Variants in MLLT3 observed in about 807,000 individuals in gnomAD.
The protein encoded by MLLT3 is protein AF-9.
In MLLT3, 4 loss-of-function variants were observed where a neutral mutation model predicts 53.2. The observed-to-expected ratio is 0.08, with a 90% CI of 0.04 to 0.17. The LOEUF (loss-of-function observed/expected upper bound fraction) is 0.17. Among genes scored for constraint, MLLT3 ranks in the 10% least tolerant of loss-of-function variants. MLLT3 has a pLI of 1.00. For missense variants in MLLT3, 569 were observed against 684.0 expected, an observed-to-expected ratio of 0.83 and a Z score of 1.87; for synonymous variants, 283 against 230.6, an observed-to-expected ratio of 1.23 and a Z score of -2.06.
chr9:20,570,328 G>C (rs1196911709), intron 2 of MLLT3, among the ~76,000 whole-genome samples: 2 of 152,082 alleles, frequency 1.3e-5, no homozygotes, highest in African/African-American at 4.8e-5. Flanking sequence ...TTACTAGCAT[G>C]GTAGTAATAA....
At chr9:20,365,623 T>A in intron 6 of MLLT3, 46 bp downstream of exon 6, 1 of 1,606,944 alleles carries the variant, frequency 6.2e-7, no homozygotes, top group East Asian at 2.2e-5. Context: ...GCCATTAAGG[T>A]GTTTTATGAG....
intron 4 of MLLT3, among the ~76,000 whole-genome samples, chr9:20,445,509 A>G (rs1286930528): frequency 6.6e-6 from 1 of 152,196 alleles, no homozygotes; most frequent in Admixed American, 6.5e-5. Flanking sequence ...GTTTTTCAAG[A>G]TTCTCTGGCA....
chr9:20,414,736 GA>G, intron 4 of MLLT3, among the ~76,000 whole-genome samples: 1 of 152,280 alleles, frequency 6.6e-6, no homozygotes, highest in Non-Finnish European at 1.5e-5. Flanking sequence ...ATACAAGGAT[GA>G]ATAACACATG....
chr9:20,446,545 T>G (rs1258142796), intron 4 of MLLT3, among the ~76,000 whole-genome samples: 1 of 152,154 alleles, frequency 6.6e-6, no homozygotes, highest in Non-Finnish European at 1.5e-5. Flanking sequence ...ACGACCCTTA[T>G]CAGAAGCATG....
At chr9:20,482,492 G>A (rs1824688401) in intron 2 of MLLT3, among the ~76,000 whole-genome samples, 1 of 152,072 alleles carries the variant, frequency 6.6e-6, no homozygotes, top group African/African-American at 2.4e-5. Flanking sequence ...AAAATGAAGT[G>A]TTGCCCAATT....
At position 20,405,395 on chromosome 9, in the gene MLLT3, T is replaced by C. The variant is rs191915347; in HGVS notation, c.1125+8326A>G. The stretch of plus-strand genomic sequence containing the variant: ...CAGATGATGGGAAGGTTAACAGTAC[T>C]AAATTTTATTTTCTCAAAAGTGTTT... On this transcript the variant is annotated intron_variant, in intron 5 of 10. Coordinates refer to ENST00000380338, the MANE Select transcript of MLLT3 (RefSeq NM_004529.4). Among the ~76,000 whole-genome samples the C allele has an allele frequency of 1.7e-4, 26 of 152,366 alleles. No homozygotes were observed. In the East Asian group the frequency reaches 4.8e-3, roughly 28 times the overall value.
At chr9:20,464,812 G>A (rs1824195023) in intron 2 of MLLT3, among the ~76,000 whole-genome samples, 1 of 152,132 alleles carries the variant, frequency 6.6e-6, no homozygotes, top group East Asian at 1.9e-4. Context: ...GTATAACTGA[G>A]GTGAAAGCCA....
intron 5 of MLLT3, among the ~76,000 whole-genome samples, chr9:20,391,342 CTGAAGAT>C (rs1430528187): frequency 6.6e-6 from 1 of 152,142 alleles, no homozygotes; most frequent in Non-Finnish European, 1.5e-5. Flanking sequence ...GAACAGGTGC[CTGAAGAT>C]TGTGATCAAC....
At chr9:20,351,939 G>A (rs182310591) in intron 10 of MLLT3, among the ~76,000 whole-genome samples, 25 of 152,266 alleles carry the variant, frequency 1.6e-4, no homozygotes, top group Admixed American at 1.2e-3. Flanking sequence ...GCTTTCAACC[G>A]GCCTGGGAAT....
At chr9:20,512,471 C>G (rs1452422497) in intron 2 of MLLT3, among the ~76,000 whole-genome samples, 1 of 152,174 alleles carries the variant, frequency 6.6e-6, no homozygotes, top group Non-Finnish European at 1.5e-5. Flanking sequence ...TTTAATGAAT[C>G]AGAAACTTTG....
intron 2 of MLLT3, among the ~76,000 whole-genome samples, chr9:20,503,268 G>A (rs531206427): frequency 6.6e-6 from 1 of 152,222 alleles, no homozygotes; most frequent in Non-Finnish European, 1.5e-5. Context: ...CAAAGCTAGA[G>A]GCATCACACT....
intron 5 of MLLT3, among the ~76,000 whole-genome samples, chr9:20,394,436 T>C (rs1446622646): frequency 6.6e-6 from 1 of 152,144 alleles, no homozygotes; most frequent in Non-Finnish European, 1.5e-5. Context: ...AGTTAGAGAA[T>C]TAACTGTTTA....
At chr9:20,370,366 T>C (rs139196363) in intron 5 of MLLT3, among the ~76,000 whole-genome samples, 232 of 152,216 alleles carry the variant, frequency 1.5e-3, no homozygotes, top group African/African-American at 5.1e-3. Context: ...ATGTTGTGTA[T>C]CTCTAACTGC....
chr9:20,551,441 CTGCT>C lies in MLLT3; in HGVS notation c.193+69209_193+69212del, dbSNP rs1347278091. Reference sequence around the variant, plus strand: ...CCTTTTGGTAAATTATTACATGGACCTGCTTTCCCTGGGAAAAGTCCAGAAGCAT... The same window carrying C: ...CCTTTTGGTAAATTATTACATGGACCTTCCCTGGGAAAAGTCCAGAAGCAT... On this transcript the variant is annotated intron_variant, in intron 2 of 10. Coordinates refer to ENST00000380338, the MANE Select transcript of MLLT3 (RefSeq NM_004529.4). Among the ~76,000 whole-genome samples the C allele has an allele frequency of 5.9e-5, 9 of 152,272 alleles. No individual in the cohort carries two copies. In the South Asian group the frequency reaches 1.5e-3, roughly 25 times the overall value.
chr9:20,429,544 T>C (rs770993452), intron 4 of MLLT3, among the ~76,000 whole-genome samples: 4 of 136,632 alleles, frequency 2.9e-5, no homozygotes, highest in Non-Finnish European at 5.9e-5. Context: ...AATCCAATTG[T>C]AGGGGGGAAA....
chr9:20,356,202 G>T (rs1029444467), intron 8 of MLLT3, among the ~76,000 whole-genome samples: 1 of 152,242 alleles, frequency 6.6e-6, no homozygotes, highest in Non-Finnish European at 1.5e-5. Flanking sequence ...TAATGCACGA[G>T]TAAAAAGTGT....
At chr9:20,612,744 A>C (rs1820732416) in intron 2 of MLLT3, among the ~76,000 whole-genome samples, 1 of 152,200 alleles carries the variant, frequency 6.6e-6, no homozygotes. Flanking sequence ...AAATGAAAAC[A>C]AAAAGATACC....
chr9:20,484,381 C>T (rs1438711296), intron 2 of MLLT3, among the ~76,000 whole-genome samples: 2 of 152,140 alleles, frequency 1.3e-5, no homozygotes, highest in East Asian at 1.9e-4. Context: ...ATTGTTCTAC[C>T]GTCATTACTA....
chr9:20,453,072 G>C (rs375308504), intron 3 of MLLT3, among the ~76,000 whole-genome samples: 2 of 152,122 alleles, frequency 1.3e-5, no homozygotes, highest in African/African-American at 4.8e-5. Context: ...ACCTAGCTCA[G>C]AGACCTAGAT....
Sources: allele counts gnomAD v4.1 joint callset (sites outside exome capture counted in the v4.1 genomes callset), GRCh38; gene constraint gnomAD v4.1.1; transcripts MANE v1.5; gene names NCBI Gene and HGNC (gene_info 2026-07-23, HGNC 2026-07-21).